Variants in TOX observed in about 807,000 individuals in gnomAD.
TOX encodes thymocyte selection associated high mobility group box.
Under a neutral mutation model 53.7 loss-of-function variants are expected in TOX, and 11 were observed. That is an observed-to-expected ratio of 0.20 (90% CI 0.13 to 0.34). The LOEUF is 0.34. TOX is among the 10% of genes least tolerant of loss of function. The pLI, the probability that TOX is intolerant of heterozygous loss-of-function variation, is 1.00. For missense variants in TOX, 570 were observed against 664.6 expected (o/e 0.86, Z 1.56); for synonymous variants, 225 against 245.3 (o/e 0.92, Z 0.77).
intron 5 of TOX, among the ~76,000 whole-genome samples, chr8:58,832,199 TATATA>T (rs1398022196): frequency 2.7e-5 from 4 of 147,858 alleles, no homozygotes; most frequent in South Asian, 2.1e-4. Context: ...ATGTAATATG[TATATA>T]ATATATGTAA....
At chr8:58,832,523 C>A (rs1810479166) in intron 5 of TOX, among the ~76,000 whole-genome samples, 1 of 152,080 alleles carries the variant, frequency 6.6e-6, no homozygotes, top group African/African-American at 2.4e-5. Flanking sequence ...GAAAAAGAAA[C>A]CCCAACAGCA....
At chr8:58,832,179 TATATA>T (rs1226711358) in intron 5 of TOX, among the ~76,000 whole-genome samples, 5 of 148,034 alleles carry the variant, frequency 3.4e-5, no homozygotes, top group African/African-American at 4.9e-5. Flanking sequence ...ATGTAATATA[TATATA>T]ATATATGTAA....
Position 58,815,584 on chromosome 8 carries a change from A to G in TOX, c.1146T>C (p.Asn382=). 1 of 1,614,046 alleles carries G rather than the reference A, an allele frequency of 6.2e-7. No individual in the cohort carries two copies. Among genetic ancestry groups the G allele is most frequent in the African/African-American group, 1.3e-5 (1 of 74,994 alleles). The change falls in exon 7 of 9, where the codon AAT becomes AAC. Residue 382 remains asparagine (N), a synonymous_variant. Coordinates refer to ENST00000361421, the MANE Select transcript of TOX (RefSeq NM_014729.3). ...SSHYHQQPGM[N]PHLTAMHPSL... ...TAGGATGCATGGCAGTTAGGTGAGGATTCATTCCCGGTTGTTGGTGATAGT... is the reference window on the plus strand; with the variant it reads ...TAGGATGCATGGCAGTTAGGTGAGGGTTCATTCCCGGTTGTTGGTGATAGT...
At chr8:58,947,957 C>A (rs974851390) in intron 2 of TOX, among the ~76,000 whole-genome samples, 1 of 152,194 alleles carries the variant, frequency 6.6e-6, no homozygotes, top group Non-Finnish European at 1.5e-5. Flanking sequence ...AGGTCAAGGG[C>A]AAGACTGGTC....
At chr8:58,830,044 G>C (rs898868927) in intron 5 of TOX, among the ~76,000 whole-genome samples, 1 of 152,094 alleles carries the variant, frequency 6.6e-6, no homozygotes, top group Non-Finnish European at 1.5e-5. Flanking sequence ...GAAAGAAATG[G>C]TCTCTCACTC....
intron 2 of TOX, among the ~76,000 whole-genome samples, chr8:58,950,714 T>G (rs1418640162): frequency 6.6e-6 from 1 of 152,084 alleles, no homozygotes; most frequent in Non-Finnish European, 1.5e-5. Context: ...ATGTCTTCTG[T>G]GGAAAGACTT....
At chr8:58,988,747 C>A (rs1349441961) in intron 1 of TOX, among the ~76,000 whole-genome samples, 1 of 152,130 alleles carries the variant, frequency 6.6e-6, no homozygotes, top group Non-Finnish European at 1.5e-5. Context: ...TGCCAATGTG[C>A]ACAGGAAATC....
intron 7 of TOX, among the ~76,000 whole-genome samples, chr8:58,809,847 A>T (rs897804593): frequency 1.3e-5 from 2 of 152,232 alleles, no homozygotes; most frequent in Non-Finnish European, 2.9e-5. Flanking sequence ...TCAAATACTT[A>T]CTGGGTATTC....
At chr8:59,019,414 G>A (rs922272341) in intron 1 of TOX, among the ~76,000 whole-genome samples, 7 of 152,122 alleles carry the variant, frequency 4.6e-5, no homozygotes, top group African/African-American at 1.4e-4. Flanking sequence ...AACCTTTAAT[G>A]TCCCACTAGG....
chr8:58,971,624 T>C (rs2129179700), intron 1 of TOX, among the ~76,000 whole-genome samples: 1 of 152,292 alleles, frequency 6.6e-6, no homozygotes, highest in African/African-American at 2.4e-5. Context: ...AAGAATCAGA[T>C]TCGGTGTGCC....
chr8:59,045,753 C>T (rs1399200153), intron 1 of TOX, among the ~76,000 whole-genome samples: 1 of 152,174 alleles, frequency 6.6e-6, no homozygotes, highest in Non-Finnish European at 1.5e-5. Context: ...GTGGTCTCTT[C>T]TAACTTAGGA....
chr8:59,114,078 C>A (rs1805062951), intron 1 of TOX, among the ~76,000 whole-genome samples: 1 of 152,112 alleles, frequency 6.6e-6, no homozygotes, highest in Admixed American at 6.5e-5. Context: ...AGGAAACCAC[C>A]CCTAAAACTG....
chr8:58,848,327 CAT>C (rs549702871), intron 4 of TOX, among the ~76,000 whole-genome samples: 217 of 151,756 alleles, frequency 1.4e-3, no homozygotes, highest in African/African-American at 4.9e-3. Context: ...AAAAAAGAAA[CAT>C]AAAATATTTG....
At chr8:58,999,457 A>G (rs1274699162) in intron 1 of TOX, among the ~76,000 whole-genome samples, 3 of 152,190 alleles carry the variant, frequency 2.0e-5, no homozygotes, top group South Asian at 4.1e-4. Context: ...ACTAAATACA[A>G]GGGTTGAAAG....
intron 1 of TOX, among the ~76,000 whole-genome samples, chr8:59,036,722 T>C (rs572830491): frequency 8.5e-5 from 13 of 152,344 alleles, no homozygotes; most frequent in African/African-American, 3.1e-4. Context: ...TTTTATTCAT[T>C]ACTGGTCTTA....
intron 4 of TOX, among the ~76,000 whole-genome samples, chr8:58,849,716 T>C (rs752957601): frequency 1.3e-5 from 2 of 152,188 alleles, no homozygotes; most frequent in African/African-American, 2.4e-5. Context: ...TTTCCTGAAA[T>C]GTCAGGAATG....
chr8:58,931,597 A>G (rs1393265190), intron 3 of TOX, among the ~76,000 whole-genome samples: 2 of 152,214 alleles, frequency 1.3e-5, no homozygotes. Flanking sequence ...TCTTACTGCA[A>G]TTTAACTTAA....
chr8:58,897,327 T>C (rs1020076806), intron 3 of TOX, among the ~76,000 whole-genome samples: 3 of 152,200 alleles, frequency 2.0e-5, no homozygotes, highest in African/African-American at 7.2e-5. Context: ...CAGAATTTAA[T>C]AATTTGGATG....
At chr8:58,877,570 T>A (rs2129170574) in intron 3 of TOX, among the ~76,000 whole-genome samples, 1 of 152,302 alleles carries the variant, frequency 6.6e-6, no homozygotes, top group African/African-American at 2.4e-5. Context: ...ACATGGTTAG[T>A]GGAATCACAG....
Sources: allele counts gnomAD v4.1 joint callset (sites outside exome capture counted in the v4.1 genomes callset), GRCh38; gene constraint gnomAD v4.1.1; transcripts MANE v1.5; gene names NCBI Gene and HGNC (gene_info 2026-07-23, HGNC 2026-07-21).